RBFOX1: variants seen among roughly 807,000 people sequenced by gnomAD.
RBFOX1 encodes the protein RNA binding fox-1 homolog 1.
RBFOX1 carries 8 observed loss-of-function variants against 57.7 expected under a neutral mutation model. The ratio of observed to expected loss-of-function variants is 0.14; its 90% CI spans 0.08 to 0.25. RBFOX1 has a LOEUF of 0.25. RBFOX1 is among the 10% of genes least tolerant of loss of function. RBFOX1 has a pLI of 1.00. For synonymous variants in RBFOX1, 326 were observed against 222.4 expected (o/e 1.47, Z -4.15); for missense variants, 611 against 548.5 (o/e 1.11, Z -1.14).
upstream of RBFOX1, among the ~76,000 whole-genome samples, chr16:6,017,117 T>C (rs892366064): frequency 6.6e-6 from 1 of 152,218 alleles, no homozygotes; most frequent in African/African-American, 2.4e-5. Context: ...TAAATATATA[T>C]ATGTATTAAA....
chr16:5,669,082 T>C (rs1186409239), intron 3 of RBFOX1, among the ~76,000 whole-genome samples: 1 of 152,144 alleles, frequency 6.6e-6, no homozygotes, highest in Non-Finnish European at 1.5e-5. Context: ...CCAACAAAGA[T>C]CTCAATTCAA....
At chr16:6,912,760 G>A (rs975889040) in intron 3 of RBFOX1, among the ~76,000 whole-genome samples, 1 of 151,784 alleles carries the variant, frequency 6.6e-6, no homozygotes, top group Non-Finnish European at 1.5e-5. Context: ...TGGGACTATA[G>A]GCACATGCCA....
intron 4 of RBFOX1, among the ~76,000 whole-genome samples, chr16:7,440,717 C>T (rs2098759276): frequency 1.3e-5 from 2 of 152,072 alleles, no homozygotes; most frequent in Admixed American, 6.6e-5. Flanking sequence ...CTGTTTAGGG[C>T]TGGGGAGGAG....
rs948811491 is a variant in RBFOX1, at chr16:7,311,054, T to C, written c.28-207093T>C. 5.9e-5 allele frequency among the ~76,000 whole-genome samples: 9 copies of C among 152,208 alleles called. 1 individual carries two copies. The highest frequency in any genetic ancestry group is 3.3e-4 in the Admixed American group (5 of 15,280). ...TGACCCAATTTGCAAGGGGCAAGGC[T>C]AGAGTTAAGTTCTTTGTGATGCTTT... On this transcript the variant is annotated intron_variant, in intron 4 of 15. Coordinates refer to ENST00000550418, the MANE Select transcript of RBFOX1 (RefSeq NM_018723.4).
chr16:5,804,856 TG>T (rs143832624), intron 3 of RBFOX1, among the ~76,000 whole-genome samples: 12,131 of 152,176 alleles, frequency 0.08, 568 homozygotes, highest in African/African-American at 0.13. Context: ...AGGCCCTCCT[TG>T]TTGTGCAGGG....
At chr16:6,427,405 A>G (rs1597095139) in intron 2 of RBFOX1, among the ~76,000 whole-genome samples, 1 of 152,176 alleles carries the variant, frequency 6.6e-6, no homozygotes, top group Non-Finnish European at 1.5e-5. Context: ...TGGTACAGGG[A>G]GTAGTTCTGA....
chr16:6,929,891 A>T (rs979643085), intron 3 of RBFOX1, among the ~76,000 whole-genome samples: 10 of 152,138 alleles, frequency 6.6e-5, no homozygotes, highest in African/African-American at 2.4e-4. Flanking sequence ...TTTAGCCCTT[A>T]TGGAGGACAG....
intron 14 of RBFOX1, among the ~76,000 whole-genome samples, chr16:7,697,885 C>T (rs1321282452): frequency 6.6e-6 from 1 of 152,176 alleles, no homozygotes; most frequent in African/African-American, 2.4e-5. Flanking sequence ...GATTCTTTAG[C>T]AGTTGTTCCA....
At chr16:7,689,614 C>T (rs766781003) in intron 14 of RBFOX1, among the ~76,000 whole-genome samples, 1 of 152,004 alleles carries the variant, frequency 6.6e-6, no homozygotes, top group African/African-American at 2.4e-5. Flanking sequence ...GCATTCTTAT[C>T]TTCAGGGAAG....
intron 3 of RBFOX1, among the ~76,000 whole-genome samples, chr16:5,731,947 C>T (rs761434781): frequency 2.6e-5 from 4 of 152,152 alleles, no homozygotes; most frequent in Non-Finnish European, 2.9e-5. Context: ...GTCCTCTCTC[C>T]TGCTGACCCA....
intron 3 of RBFOX1, among the ~76,000 whole-genome samples, chr16:6,823,808 A>C (rs2091722775): frequency 6.6e-6 from 1 of 152,118 alleles, no homozygotes; most frequent in African/African-American, 2.4e-5. Context: ...GGAGATTCCT[A>C]CCTCTGGGGA....
At chr16:7,343,137 G>A (rs2034375948) in intron 4 of RBFOX1, among the ~76,000 whole-genome samples, 1 of 152,148 alleles carries the variant, frequency 6.6e-6, no homozygotes, top group South Asian at 2.1e-4. Context: ...ATGCAGCTCT[G>A]GCACACCGTG....
At chr16:5,480,170 T>C (rs760048035) in intron 2 of RBFOX1, among the ~76,000 whole-genome samples, 7 of 152,176 alleles carry the variant, frequency 4.6e-5, no homozygotes, top group Non-Finnish European at 8.8e-5. Flanking sequence ...AGGTTTTCTT[T>C]CATCCGGAGA....
chr16:7,080,013 CATAT>C (rs1234497740), intron 4 of RBFOX1, among the ~76,000 whole-genome samples: 1 of 137,144 alleles, frequency 7.3e-6, no homozygotes, highest in Non-Finnish European at 1.5e-5. Context: ...TATATATATA[CATAT>C]ATATACGTAT....
intron 4 of RBFOX1, among the ~76,000 whole-genome samples, chr16:7,286,529 A>T (rs2095654763): frequency 6.9e-6 from 1 of 144,568 alleles, no homozygotes; most frequent in African/African-American, 2.6e-5. Context: ...AGCTCACTGC[A>T]GCCTCCCCTG....
At chr16:5,283,311 C>T (rs893803145) in intron 1 of RBFOX1, among the ~76,000 whole-genome samples, 4 of 152,170 alleles carry the variant, frequency 2.6e-5, no homozygotes, top group African/African-American at 9.7e-5. Context: ...GGAGCCCCCA[C>T]ATAGAGTCCC....
intron 3 of RBFOX1, among the ~76,000 whole-genome samples, chr16:5,651,452 C>G (rs532294732): frequency 3.6e-4 from 55 of 152,266 alleles, no homozygotes; most frequent in African/African-American, 1.2e-3. Context: ...GGTAGACACA[C>G]ACAGAATCCT....
At chr16:5,421,092 C>T (rs955838104) in intron 1 of RBFOX1, among the ~76,000 whole-genome samples, 1 of 151,696 alleles carries the variant, frequency 6.6e-6, no homozygotes, top group African/African-American at 2.4e-5. Flanking sequence ...CTGCAGCGTC[C>T]GCCTCCTAGC....
In RBFOX1 at chr16:5,802,251, G is replaced by A. The variant is rs542133073; in HGVS notation, c.319-65052G>A. Among the ~76,000 whole-genome samples the A allele has an allele frequency of 9.2e-5, 14 of 152,210 alleles. No homozygotes were observed. The South Asian group carries it at 2.3e-3, about 25-fold the overall frequency. Reference sequence around the variant, plus strand: ...ATAATTCCTCAGATTGAAGCTGTTCGTTTGGAAAGTCCTTTTCTTCCTCTT... The same window carrying A: ...ATAATTCCTCAGATTGAAGCTGTTCATTTGGAAAGTCCTTTTCTTCCTCTT... On this transcript the variant is annotated intron_variant, in intron 3 of 19. Coordinates refer to the RBFOX1 transcript ENST00000641259.
Sources: allele counts gnomAD v4.1 joint callset (sites outside exome capture counted in the v4.1 genomes callset), GRCh38; gene constraint gnomAD v4.1.1; transcripts MANE v1.5; gene names NCBI Gene and HGNC (gene_info 2026-07-23, HGNC 2026-07-21).